Variants in ALDH1A3 observed in about 807,000 individuals in gnomAD.
The protein encoded by ALDH1A3 is aldehyde dehydrogenase 1 family member A3.
Under a neutral mutation model 57.5 loss-of-function variants are expected in ALDH1A3, and 28 were observed. That is an observed-to-expected ratio of 0.49 (90% CI 0.36 to 0.67). ALDH1A3 has a LOEUF of 0.67. Among genes scored for constraint, ALDH1A3 ranks in the 30% least tolerant of loss-of-function variants. The pLI, the probability that ALDH1A3 is intolerant of heterozygous loss-of-function variation, is 0.00. For missense variants in ALDH1A3, 507 were observed against 669.4 expected (o/e 0.76, Z 2.68); for synonymous variants, 281 against 264.8 (o/e 1.06, Z -0.59).
chr15:100,905,737 G>A (rs772985382), intron 10 of ALDH1A3, 50 bp downstream of exon 10: 17 of 1,482,042 alleles, frequency 1.1e-5, no homozygotes, highest in Non-Finnish European at 1.3e-5. Context: ...TTTCAAACAC[G>A]AGTCCTTCCC....
chr15:100,914,314 C>A, intron 12 of ALDH1A3: 1 of 161,464 alleles, frequency 6.2e-6, no homozygotes, highest in Non-Finnish European at 1.4e-5. Context: ...GTTATCAACC[C>A]AGTGTAATTT....
At chr15:100,908,163 C>T (rs2041845110) in intron 11 of ALDH1A3, among the ~76,000 whole-genome samples, 1 of 151,996 alleles carries the variant, frequency 6.6e-6, no homozygotes, top group Non-Finnish European at 1.5e-5. Context: ...CTTCTTTTTT[C>T]TCCCCTTATC....
Position 100,915,029 on chromosome 15 carries a change from A to C in ALDH1A3, c.*256A>C. 2.0e-6 allele frequency: 1 copy of C among 496,524 alleles called. No homozygotes were observed. Among genetic ancestry groups the C allele is most frequent in the South Asian group, 2.4e-5 (1 of 41,562 alleles). The allele number at this position is 496,524 out of a possible 1,614,324, so 30.8% of individuals were successfully genotyped here. A position where few individuals can be genotyped will look rare whatever the true frequency, so the allele number is the denominator to read the frequency against. On this transcript the variant is annotated 3_prime_UTR_variant, in exon 13 of 13. Transcript: ENST00000329841. The stretch of plus-strand genomic sequence containing the variant: ...GTTGGCCATTTCTGTGTTTCCCTTT[A>C]AACCAGATCCTGGAGACAGTGAGAT...
At position 100,900,609 on chromosome 15, in the gene ALDH1A3, G is replaced by A. The variant is rs2141563665; in HGVS notation, c.918G>A (p.Val306=). 6.2e-7 allele frequency: 1 copy of A among 1,604,316 alleles called. No homozygotes were observed. The highest frequency in any genetic ancestry group is 8.5e-7 in the Non-Finnish European group (1 of 1,175,028). ...DLAVECAHQG[V]FFNQGQCCTA... ...CAGTGGAGTGTGCCCATCAGGGAGTGTTCTTCAACCAAGGCCAGTGTTGCA... is the reference window on the plus strand; with the variant it reads ...CAGTGGAGTGTGCCCATCAGGGAGTATTCTTCAACCAAGGCCAGTGTTGCA... Residue 306 remains valine, a synonymous_variant, in exon 9 of 13, where the codon GTG becomes GTA. Transcript: ENST00000329841.
rs2041528361 is a variant in ALDH1A3 at position 100,879,938 on chromosome 15, G to C, written c.31G>C (p.Gly11Arg). Residue 11 changes from glycine to arginine, a missense_variant, in exon 1 of 13, where the codon GGG (glycine) becomes CGG (arginine). Around this residue, in one of 2 missense-constraint regions of ALDH1A3, gnomAD observed 75 missense variants for 61.0 expected, o/e 1.23. Transcript: ENST00000329841. ...CACCGCTAACGGGGCCGTGGAAAAC[G>C]GGCAGCCGGACAGGAAGCCGCCGGC... MATANGAVEN[G>R]QPDRKPPALP... 2.0e-6 allele frequency: 3 copies of C among 1,469,618 alleles called. No homozygotes were observed. Among genetic ancestry groups the C allele is most frequent in the Non-Finnish European group, 2.7e-6 (3 of 1,109,226 alleles). 91.0% of individuals were successfully genotyped at this position (1,469,618 alleles called of 1,614,324 possible).
Position 100,887,806 on chromosome 15 carries a change from G to A in ALDH1A3, c.345+94G>A. On this transcript the variant is annotated intron_variant, in intron 3 of 12. Transcript: ENST00000329841. This position sits in a 1 kb window ranked among gnomAD's most constrained non-coding sequence, Gnocchi z 4.6. ...GTATGGGAAAAAAGATCACGGTCCTGGTTTTGTGTGGTCGTGGGTCTGTTC... is the reference window on the plus strand; with the variant it reads ...GTATGGGAAAAAAGATCACGGTCCTAGTTTTGTGTGGTCGTGGGTCTGTTC... 1 of 1,430,688 alleles carries A rather than the reference G, an allele frequency of 7.0e-7. No individual in the cohort carries two copies. The highest frequency in any genetic ancestry group is 9.3e-7 in the Non-Finnish European group (1 of 1,080,988). 88.6% of individuals were successfully genotyped at this position (1,430,688 alleles called of 1,614,324 possible).
chr15:100,910,011 G>C (rs1195586169), intron 12 of ALDH1A3, among the ~76,000 whole-genome samples: 1 of 152,210 alleles, frequency 6.6e-6, no homozygotes, highest in East Asian at 1.9e-4. Context: ...GCCTTGGTTG[G>C]GGCCTTTGTG....
rs191555726 is a variant in ALDH1A3 at position 100,915,803 on chromosome 15, T to C, written c.*1030T>C. ...GTTATTTTTAAGTCCTATTTTGATA[T>C]TAATTTCTGATTAGTTAGTAAATAA... On this transcript the variant is annotated 3_prime_UTR_variant, in exon 13 of 13. Coordinates refer to ENST00000329841, the MANE Select transcript of ALDH1A3 (RefSeq NM_000693.4). The C allele has an allele frequency of 6.6e-6, 1 of 152,346 alleles. No homozygotes were observed. The highest frequency in any genetic ancestry group is 1.9e-4 in the East Asian group (1 of 5,190). 9.4% of individuals were successfully genotyped at this position (152,346 alleles called of 1,614,324 possible).
chr15:100,913,428 G>C (rs2041901640), intron 12 of ALDH1A3: 1 of 152,148 alleles, frequency 6.6e-6, no homozygotes, highest in African/African-American at 2.4e-5. Context: ...CGCATTCCTA[G>C]GCTGGTGGCC....
intron 12 of ALDH1A3, among the ~76,000 whole-genome samples, chr15:100,912,105 A>G (rs2041887856): frequency 6.6e-6 from 1 of 152,226 alleles, no homozygotes; most frequent in Non-Finnish European, 1.5e-5. Context: ...ATGATCTCCC[A>G]TGAGGAACTT....
In ALDH1A3 at chr15:100,915,204, A is replaced by G. The variant is rs1254474346; in HGVS notation, c.*431A>G. 6.1e-6 allele frequency: 1 copy of G among 163,760 alleles called. No individual in the cohort carries two copies. Among genetic ancestry groups the G allele is most frequent in the Non-Finnish European group, 1.3e-5 (1 of 74,620 alleles). 10.1% of individuals were successfully genotyped at this position (163,760 alleles called of 1,614,324 possible). A position where few individuals can be genotyped will look rare whatever the true frequency, so the allele number is the denominator to read the frequency against. ...TGCACCAGCGGTCTCCTCAGGGTGGACCTGCTTACAGAGCAAGCCACGCCT... is the reference window on the plus strand; with the variant it reads ...TGCACCAGCGGTCTCCTCAGGGTGGGCCTGCTTACAGAGCAAGCCACGCCT... On this transcript the variant is annotated 3_prime_UTR_variant, in exon 13 of 13. Coordinates refer to ENST00000329841, the MANE Select transcript of ALDH1A3 (RefSeq NM_000693.4).
Position 100,894,144 on chromosome 15 carries a change from G to T in ALDH1A3, c.666+62G>T. ...GTAACATTCCCACTCCTAGGAACCA[G>T]GCCACCGTCACGAGATGGGACAGTG... On this transcript the variant is annotated intron_variant, in intron 6 of 12. Transcript: ENST00000329841. The surrounding 1 kb of genome is among the most constrained non-coding windows in gnomAD (Gnocchi z 4.5). 1 of 1,587,416 alleles carries T rather than the reference G, an allele frequency of 6.3e-7. No individual in the cohort carries two copies. The highest frequency in any genetic ancestry group is 1.7e-5 in the Admixed American group (1 of 58,450).
intron 2 of ALDH1A3, among the ~76,000 whole-genome samples, chr15:100,886,392 TG>T (rs2041595189): frequency 1.3e-5 from 2 of 152,204 alleles, no homozygotes; most frequent in Admixed American, 1.3e-4. Flanking sequence ...ACCCTTGCCC[TG>T]GGCCTTGATT....
chr15:100,896,056 C>G lies in ALDH1A3; in HGVS notation c.780+10C>G, dbSNP rs774457775. ...CACCGGCTCCACAGAGGTAACCCTCCTCACAGGGTGCTGGGGAAAGTGAAA... is the reference window on the plus strand; with the variant it reads ...CACCGGCTCCACAGAGGTAACCCTCGTCACAGGGTGCTGGGGAAAGTGAAA... On this transcript the variant is annotated intron_variant, in intron 7 of 12. Coordinates refer to ENST00000329841, the MANE Select transcript of ALDH1A3 (RefSeq NM_000693.4). The G allele has an allele frequency of 1.9e-6, 3 of 1,597,590 alleles. No homozygotes were observed. The highest frequency in any genetic ancestry group is 4.5e-5 in the East Asian group (2 of 44,188).
chr15:100,888,372 G>A (rs2041617728), intron 3 of ALDH1A3: 1 of 152,178 alleles, frequency 6.6e-6, no homozygotes, highest in Non-Finnish European at 1.5e-5. Context: ...GCCTCCCAAA[G>A]TGCTGGGATT....
At chr15:100,890,079 A>G (rs574522453) in intron 3 of ALDH1A3, among the ~76,000 whole-genome samples, 13 of 152,310 alleles carry the variant, frequency 8.5e-5, no homozygotes, top group Non-Finnish European at 1.5e-4. Flanking sequence ...TGGGGCACCC[A>G]GGCCCCAACT....
chr15:100,879,943 G>A lies in ALDH1A3; in HGVS notation c.36G>A (p.Gln12=). The change falls in exon 1 of 13, where the codon CAG becomes CAA. Residue 12 remains glutamine, a synonymous_variant. Transcript: ENST00000329841. ...CTAACGGGGCCGTGGAAAACGGGCA[G>A]CCGGACAGGAAGCCGCCGGCCCTGC... is the stretch of plus-strand genomic sequence containing the variant. ...ATANGAVENG[Q]PDRKPPALPR... 1 of 1,471,342 alleles carries A rather than the reference G, an allele frequency of 6.8e-7. No homozygotes were observed. The highest frequency in any genetic ancestry group is 1.3e-5 in the South Asian group (1 of 77,086). 91.1% of individuals were successfully genotyped at this position (1,471,342 alleles called of 1,614,324 possible).
Position 100,893,660 on chromosome 15 carries a change from G to T in ALDH1A3, c.538-294G>T, listed in dbSNP as rs2041673680. On this transcript the variant is annotated intron_variant, in intron 5 of 12. Transcript: ENST00000329841. The surrounding 1 kb of genome is among the most constrained non-coding windows in gnomAD (Gnocchi z 4.8). ...GCAACATGAAGTGAGGGTTCAAAAA[G>T]TGCCCATGGAGGCAGGGAGGAGGAC... The T allele has an allele frequency of 3.5e-6, 1 of 283,364 alleles. No individual in the cohort carries two copies. The highest frequency in any genetic ancestry group is 6.6e-6 in the Non-Finnish European group (1 of 151,406). 17.6% of individuals were successfully genotyped at this position (283,364 alleles called of 1,614,324 possible).
chr15:100,893,941 T>C lies in ALDH1A3; in HGVS notation c.538-13T>C. 1.9e-6 allele frequency: 3 copies of C among 1,613,758 alleles called. No homozygotes were observed. The highest frequency in any genetic ancestry group is 1.1e-5 in the South Asian group (1 of 91,016). On this transcript the variant is annotated splice_polypyrimidine_tract_variant and intron_variant, in intron 5 of 12. Transcript: ENST00000329841. This position sits in a 1 kb window ranked among gnomAD's most constrained non-coding sequence, Gnocchi z 4.8. The stretch of plus-strand genomic sequence containing the variant: ...TGGATCTGGGCCTCCAAAGCCCCTG[T>C]GCTCTGTCGCAGTGGAACTTCCCCC...
Sources: gnomAD v4.1 joint callset for allele counts (sites outside exome capture counted in the v4.1 genomes callset) on GRCh38, gnomAD v4.1.1 for gene constraint, gnomAD v4.1.1 regional missense constraint, Gnocchi (gnomAD v3.1) non-coding constraint, MANE v1.5 for transcripts, NCBI Gene and HGNC (gene_info 2026-07-23, HGNC 2026-07-21) for gene names.